Variants in ZNF783 observed in about 807,000 individuals in gnomAD.
The protein encoded by ZNF783 is zinc finger protein 783.
A neutral mutation model predicts 31.3 loss-of-function variants in ZNF783; 25 were observed. That is an observed-to-expected ratio of 0.80 (90% confidence interval 0.58 to 1.11). The LOEUF (loss-of-function observed/expected upper bound fraction) is 1.11, where lower values mean the gene tolerates loss of function less well. ZNF783 is among the 50% of genes most tolerant of loss of function. The pLI is 0.00. For missense variants in ZNF783, 797 were observed against 760.0 expected (o/e 1.05, Z -0.57); for synonymous variants, 369 against 319.1 (o/e 1.16, Z -1.66).
chr7:149,280,141 G>T (rs1333232571), intron 5 of ZNF783, among the ~76,000 whole-genome samples: 1 of 119,172 alleles, frequency 8.4e-6, no homozygotes. Flanking sequence ...CTGGCCGGGC[G>T]GGGGGCTGAC....
Position 149,282,480 on chromosome 7 carries a change from ATTGTG to A in ZNF783, c.*139_*143del. The A allele has an allele frequency of 1.3e-6, 1 of 760,592 alleles. No individual in the cohort carries two copies. The highest frequency in any genetic ancestry group is 2.0e-6 in the Non-Finnish European group (1 of 493,892). The allele number at this position is 760,592 out of a possible 1,614,324, so 47.1% of individuals were successfully genotyped here. ...GGAAGCTAGCTGCCCTTCTGGTGACATTGTGTGTGACCGGGTGCTTTCTGTTTCCT... is the reference window on the plus strand; with the variant it reads ...GGAAGCTAGCTGCCCTTCTGGTGACATGTGACCGGGTGCTTTCTGTTTCCT... On this transcript the variant is annotated 3_prime_UTR_variant, in exon 6 of 6. Coordinates refer to ENST00000434415, the MANE Select transcript of ZNF783 (RefSeq NM_001195220.2).
chr7:149,282,466 G>A lies in ZNF783; in HGVS notation c.*123G>A. 1.2e-6 allele frequency: 1 copy of A among 855,602 alleles called. No homozygotes were observed. The highest frequency in any genetic ancestry group is 1.7e-6 in the Non-Finnish European group (1 of 577,764). 53.0% of individuals were successfully genotyped at this position (855,602 alleles called of 1,614,324 possible). A position where few individuals can be genotyped will look rare whatever the true frequency, so the allele number is the denominator to read the frequency against. ...TACCCATTCAAATGGGAAGCTAGCTGCCCTTCTGGTGACATTGTGTGTGAC... is the reference window on the plus strand; with the variant it reads ...TACCCATTCAAATGGGAAGCTAGCTACCCTTCTGGTGACATTGTGTGTGAC... On this transcript the variant is annotated 3_prime_UTR_variant, in exon 6 of 6. Coordinates refer to ENST00000434415, the MANE Select transcript of ZNF783 (RefSeq NM_001195220.2).
At chr7:149,276,418 A>T in intron 4 of ZNF783, 1 of 987,090 alleles carries the variant, frequency 1.0e-6, no homozygotes, top group Non-Finnish European at 1.2e-6. Context: ...TGATGAAGCA[A>T]CCGTCTTTAG....
intron 4 of ZNF783, among the ~76,000 whole-genome samples, chr7:149,274,389 G>A (rs529309840): frequency 1.5e-3 from 222 of 147,074 alleles, no homozygotes; most frequent in African/African-American, 5.1e-3. Flanking sequence ...TTTTTGAGAC[G>A]GAGTCTCACT....
chr7:149,280,509 C>G (rs73162537), intron 5 of ZNF783, among the ~76,000 whole-genome samples: 5,259 of 152,220 alleles, frequency 0.035, 135 homozygotes, highest in East Asian at 0.11. Context: ...TCCCTGGGGA[C>G]TGTGGGGACC....
At chr7:149,263,119 G>A (rs1342137798) in intron 1 of ZNF783, among the ~76,000 whole-genome samples, 3 of 151,594 alleles carry the variant, frequency 2.0e-5, no homozygotes, top group Admixed American at 2.0e-4. Flanking sequence ...GGTAGAGACT[G>A]GGTTTCACTA....
intron 5 of ZNF783, 123 bp downstream of exon 5, chr7:149,278,650 T>C: frequency 2.0e-6 from 3 of 1,480,982 alleles, no homozygotes; most frequent in Non-Finnish European, 2.7e-6. Context: ...GGGAGACTGG[T>C]TGGGCTGGGC....
intron 4 of ZNF783, among the ~76,000 whole-genome samples, chr7:149,269,303 T>G (rs1167634947): frequency 2.0e-5 from 3 of 152,222 alleles, no homozygotes; most frequent in Admixed American, 2.0e-4. Flanking sequence ...AAGTTCCTTA[T>G]AGATGCTGGA....
In ZNF783 at chr7:149,281,847, G is replaced by GCCCCCC; in HGVS notation, c.1146_1147insCCCCCC (p.Arg382_Ser383insProPro). 6.7e-7 allele frequency: 1 copy of GCCCCCC among 1,495,644 alleles called. No homozygotes were observed. 92.6% of individuals were successfully genotyped at this position (1,495,644 alleles called of 1,614,324 possible). A position where few individuals can be genotyped will look rare whatever the true frequency, so the allele number is the denominator to read the frequency against. ...GAGGGGCGGCAGGAGGCCCCCGGCCGCTCGCCCACCAGCTGCGGGGACAGC... is the reference window on the plus strand; with the variant it reads ...GAGGGGCGGCAGGAGGCCCCCGGCCGCCCCCCCTCGCCCACCAGCTGCGGGGACAGC... On this transcript the variant is annotated inframe_insertion, in exon 6 of 6. Coordinates refer to ENST00000434415, the MANE Select transcript of ZNF783 (RefSeq NM_001195220.2).
chr7:149,263,472 C>G (rs1796993438), intron 1 of ZNF783, among the ~76,000 whole-genome samples: 1 of 151,826 alleles, frequency 6.6e-6, no homozygotes, highest in Admixed American at 6.6e-5. Flanking sequence ...ATTACAGGCG[C>G]AGGTGCCTGT....
intron 4 of ZNF783, chr7:149,277,082 T>C (rs1585617982): frequency 6.6e-6 from 1 of 152,200 alleles, no homozygotes; most frequent in South Asian, 2.1e-4. Flanking sequence ...TCTCCTGACC[T>C]TGTGATCCGC....
chr7:149,274,964 A>G (rs973654233), intron 4 of ZNF783, among the ~76,000 whole-genome samples: 14 of 152,162 alleles, frequency 9.2e-5, no homozygotes. Context: ...TAGGAATTGC[A>G]TTGAGTCTGT....
In ZNF783 at chr7:149,278,530, G is replaced by A. The variant is rs1324286062; in HGVS notation, c.802+3G>A. 6.9e-6 allele frequency: 11 copies of A among 1,599,282 alleles called. No individual in the cohort carries two copies. Among genetic ancestry groups the A allele is most frequent in the Non-Finnish European group, 9.3e-6 (11 of 1,179,716 alleles). Reference sequence around the variant, plus strand: ...GGCCCCAGCCGGGCCAGAAGCAGGTGAGTGAGGACAGTGAGGCGGCAGGAT... The same window carrying A: ...GGCCCCAGCCGGGCCAGAAGCAGGTAAGTGAGGACAGTGAGGCGGCAGGAT... On this transcript the variant is annotated splice_donor_region_variant and intron_variant, in intron 5 of 5. Transcript: ENST00000434415.
In ZNF783 at chr7:149,266,806, CT is replaced by C; in HGVS notation, c.421-11del. On this transcript the variant is annotated splice_polypyrimidine_tract_variant and intron_variant, in intron 2 of 5. Coordinates refer to ENST00000434415, the MANE Select transcript of ZNF783 (RefSeq NM_001195220.2). ...AGCGTGTGGGTGAGTGAGTGCGACA[CT>C]TATGGTTCCAGGTGCCCGTGACCTT... 6.2e-7 allele frequency: 1 copy of C among 1,613,964 alleles called. No individual in the cohort carries two copies. Among genetic ancestry groups the C allele is most frequent in the Non-Finnish European group, 8.5e-7 (1 of 1,180,012 alleles).
At chr7:149,279,632 G>GTTTTTTTTTTTTTTT (rs764203926) in intron 5 of ZNF783, among the ~76,000 whole-genome samples, 2 of 100,312 alleles carry the variant, frequency 2.0e-5, no homozygotes, top group Non-Finnish European at 3.9e-5. Context: ...TTTTATCTTT[G>GTTTTTTTTTTTTTTT]TTTTTTTTTT....
chr7:149,262,684 C>T (rs1450704463), intron 1 of ZNF783, among the ~76,000 whole-genome samples: 5 of 152,194 alleles, frequency 3.3e-5, no homozygotes, highest in Admixed American at 3.3e-4. Flanking sequence ...TCGCGGCCCC[C>T]CCTACAGCAG....
rs1190931147 is a variant in ZNF783, at chr7:149,281,853, C to T, written c.1151C>T (p.Pro384Leu). The T allele has an allele frequency of 2.0e-6, 3 of 1,497,156 alleles. No homozygotes were observed. In the East Asian group the frequency reaches 7.1e-5, roughly 35 times the overall value. The allele number at this position is 1,497,156 out of a possible 1,614,324, so 92.7% of individuals were successfully genotyped here. A position where few individuals can be genotyped will look rare whatever the true frequency, so the allele number is the denominator to read the frequency against. The change falls in exon 6 of 6, where the codon CCC (proline) becomes CTC (leucine). Residue 384 changes from proline (P) to leucine (L), a missense_variant. Transcript: ENST00000434415. ...EGRQEAPGRS[P>L]TSCGDSQAML... ...CGGCAGGAGGCCCCCGGCCGCTCGCCCACCAGCTGCGGGGACAGCCAGGCC... is the reference window on the plus strand; with the variant it reads ...CGGCAGGAGGCCCCCGGCCGCTCGCTCACCAGCTGCGGGGACAGCCAGGCC...
At chr7:149,280,616 G>C (rs1313431120) in intron 5 of ZNF783, among the ~76,000 whole-genome samples, 1 of 152,240 alleles carries the variant, frequency 6.6e-6, no homozygotes, top group African/African-American at 2.4e-5. Flanking sequence ...TCAGATCCCA[G>C]GCATGTGGTC....
Position 149,262,290 on chromosome 7 carries a change from G to A in ZNF783, c.-44G>A. On this transcript the variant is annotated 5_prime_UTR_variant, in exon 1 of 6. Transcript: ENST00000434415. ...CTGCCGCGCCGCCCCGGGCCCGACA[G>A]GCCGGGTCCAGGGACTGCAACCCAG... is the stretch of plus-strand genomic sequence containing the variant. 7.4e-7 allele frequency: 1 copy of A among 1,347,478 alleles called. No homozygotes were observed. Among genetic ancestry groups the A allele is most frequent in the Non-Finnish European group, 9.6e-7 (1 of 1,046,140 alleles). The allele number at this position is 1,347,478 out of a possible 1,614,324, so 83.5% of individuals were successfully genotyped here.
Sources: allele counts gnomAD v4.1 joint callset (sites outside exome capture counted in the v4.1 genomes callset), GRCh38; gene constraint gnomAD v4.1.1; transcripts MANE v1.5; gene names NCBI Gene and HGNC (gene_info 2026-07-23, HGNC 2026-07-21).